Variants in CDKL3 observed in about 807,000 individuals in gnomAD.
CDKL3 encodes the protein cyclin dependent kinase like 3, also known as cyclin-dependent kinase-like 3.
A neutral mutation model predicts 69.3 loss-of-function variants in CDKL3; 65 were observed. The observed-to-expected ratio is 0.94, with a 90% CI of 0.77 to 1.15. CDKL3 has a LOEUF of 1.15. Among genes scored for constraint, CDKL3 ranks in the 50% most tolerant of loss-of-function variants. The pLI is 0.00. For synonymous variants in CDKL3, 202 were observed against 221.6 expected, an observed-to-expected ratio of 0.91 and a Z score of 0.79; for missense variants, 652 against 689.2, an observed-to-expected ratio of 0.95 and a Z score of 0.61.
downstream of CDKL3, among the ~76,000 whole-genome samples, chr5:134,294,687 A>G (rs149416160): frequency 8.6e-4 from 131 of 151,998 alleles, no homozygotes; most frequent in African/African-American, 2.8e-3. Context: ...GGAAGGAAGG[A>G]AGGGAGGGAG....
At position 134,302,369 on chromosome 5, in the gene CDKL3, G is replaced by A. The variant is rs147705481; in HGVS notation, c.1719+221C>T. ...AATACAGATAATATTTTCCCTGGGT[G>A]CCATGCATTCTAATCATTCAACATT... is the stretch of plus-strand genomic sequence containing the variant. On this transcript the variant is annotated intron_variant, in intron 12 of 12. Transcript: ENST00000265334. Among the ~76,000 whole-genome samples, 5 of 152,258 alleles carry A rather than the reference G, an allele frequency of 3.3e-5. No homozygotes were observed. In the East Asian group the frequency reaches 9.6e-4, roughly 29 times the overall value.
intron 2 of CDKL3, among the ~76,000 whole-genome samples, chr5:134,363,386 C>T (rs543288278): frequency 2.1e-4 from 32 of 151,274 alleles, no homozygotes; most frequent in Admixed American, 5.3e-4. Flanking sequence ...CTCCGCCTCC[C>T]GGGTTCAAGT....
intron 4 of CDKL3, among the ~76,000 whole-genome samples, chr5:134,323,865 C>T (rs1209232171): frequency 6.6e-6 from 1 of 152,036 alleles, no homozygotes; most frequent in East Asian, 1.9e-4. Context: ...ATAGTTAGAA[C>T]TTCACTAAAA....
chr5:134,367,364 G>C, upstream of CDKL3: 1 of 734,022 alleles, frequency 1.4e-6, no homozygotes, highest in Non-Finnish European at 1.6e-6. Flanking sequence ...GGAAGGATCT[G>C]CATCTTTTTT....
At position 134,356,772 on chromosome 5, in the gene CDKL3, A is replaced by G. The variant is rs1206893765; in HGVS notation, c.360+3125T>C. Reference sequence around the variant, plus strand: ...GCACTCCAGCCTGAGTGACAGAGTGAAACTCCATCTCAAAAATAAATAAAT... The same window carrying G: ...GCACTCCAGCCTGAGTGACAGAGTGGAACTCCATCTCAAAAATAAATAAAT... On this transcript the variant is annotated intron_variant, in intron 3 of 12. Transcript: ENST00000265334. Among the ~76,000 whole-genome samples, 3 of 152,166 alleles carry G rather than the reference A, an allele frequency of 2.0e-5. No homozygotes were observed. In the East Asian group the frequency reaches 5.8e-4, roughly 29 times the overall value.
At chr5:134,360,127 T>C (rs1263122556) in intron 2 of CDKL3, 36 bp from the exon 3 acceptor site, 3 of 1,377,782 alleles carry the variant, frequency 2.2e-6, no homozygotes, top group Admixed American at 4.8e-5. Flanking sequence ...TTTTTAATTA[T>C]TTCAAGCCTA....
chr5:134,358,823 A>G (rs1755266219), intron 3 of CDKL3, among the ~76,000 whole-genome samples: 1 of 152,060 alleles, frequency 6.6e-6, no homozygotes, highest in Admixed American at 6.6e-5. Flanking sequence ...TATGTTGCCC[A>G]GGCTGGGCTT....
In CDKL3 at chr5:134,366,362, T is replaced by C. The variant is rs1369473489; in HGVS notation, c.162A>G (p.Leu54=). 1.9e-6 allele frequency: 3 copies of C among 1,558,932 alleles called. No homozygotes were observed. Among genetic ancestry groups the C allele is most frequent in the African/African-American group, 1.4e-5 (1 of 72,660 alleles). Residue 54 remains leucine, a synonymous_variant, in exon 2 of 13, where the codon CTA becomes CTG. Transcript: ENST00000265334. Reference sequence around the variant, plus strand: ...GATTAAGGCAAAAGAAGCAAACCTTTAGAAACTTTATTTCTCTCATCGCAA... The same window carrying C: ...GATTAAGGCAAAAGAAGCAAACCTTCAGAAACTTTATTTCTCTCATCGCAA... ...NKIAMREIKF[L]KQFHHENLVN...
upstream of CDKL3, chr5:134,371,595 C>G: frequency 6.2e-7 from 1 of 1,612,734 alleles, no homozygotes; most frequent in Non-Finnish European, 8.5e-7. Context: ...AGCTGCGGAG[C>G]ATGTCGACCC....
chr5:134,364,950 G>T (rs1757051303), intron 2 of CDKL3, among the ~76,000 whole-genome samples: 1 of 151,532 alleles, frequency 6.6e-6, no homozygotes, highest in African/African-American at 2.4e-5. Flanking sequence ...GGGATTACAG[G>T]GGCGCGACAC....
intron 4 of CDKL3, among the ~76,000 whole-genome samples, chr5:134,338,679 G>A (rs1777669001): frequency 6.6e-6 from 1 of 152,086 alleles, no homozygotes; most frequent in South Asian, 2.1e-4. Flanking sequence ...CTGGGTGACA[G>A]AGTGAGACTC....
At chr5:134,313,367 C>T (rs1160708384) in intron 6 of CDKL3, among the ~76,000 whole-genome samples, 1 of 152,136 alleles carries the variant, frequency 6.6e-6, no homozygotes, top group East Asian at 1.9e-4. Flanking sequence ...CAGACACATG[C>T]CACCAAGCCT....
At chr5:134,331,563 G>T (rs531841064) in intron 4 of CDKL3, among the ~76,000 whole-genome samples, 1 of 152,092 alleles carries the variant, frequency 6.6e-6, no homozygotes, top group Non-Finnish European at 1.5e-5. Flanking sequence ...TTGGTTTTCT[G>T]TCCTTGTGAT....
intron 3 of CDKL3, among the ~76,000 whole-genome samples, chr5:134,353,460 A>C (rs762250220): frequency 1.3e-5 from 2 of 151,932 alleles, no homozygotes; most frequent in Non-Finnish European, 2.9e-5. Context: ...AAGTCTATCA[A>C]CTTGTCTCCC....
chr5:134,320,673 A>C (rs1177311964), intron 5 of CDKL3, among the ~76,000 whole-genome samples: 4 of 151,954 alleles, frequency 2.6e-5, no homozygotes, highest in Non-Finnish European at 5.9e-5. Flanking sequence ...CAGGAAATCG[A>C]GACCATCCTG....
At chr5:134,293,601 G>T (rs59423706), downstream of CDKL3, among the ~76,000 whole-genome samples, 21,263 of 151,816 alleles carry the variant, frequency 0.14, 1,804 homozygotes, top group African/African-American at 0.23. Flanking sequence ...TTCAAGACCA[G>T]CTGGGGCAAC....
At chr5:134,353,553 C>CTTTT (rs201057745) in intron 3 of CDKL3, among the ~76,000 whole-genome samples, 1 of 138,882 alleles carries the variant, frequency 7.2e-6, no homozygotes, top group African/African-American at 2.7e-5. Flanking sequence ...GATCATGTCA[C>CTTTT]TTTTTTTTTT....
intron 3 of CDKL3, among the ~76,000 whole-genome samples, chr5:134,356,389 G>A (rs1196933792): frequency 6.6e-6 from 1 of 152,188 alleles, no homozygotes; most frequent in African/African-American, 2.4e-5. Flanking sequence ...TTCCTAACAG[G>A]CCACAGAATG....
At chr5:134,292,418 T>C (rs1258147569) in intron 8 of CDKL3, among the ~76,000 whole-genome samples, 1 of 152,144 alleles carries the variant, frequency 6.6e-6, no homozygotes, top group African/African-American at 2.4e-5. Context: ...CTTTCACTGA[T>C]GATAGGATAA....
Sources: allele counts gnomAD v4.1 joint callset (sites outside exome capture counted in the v4.1 genomes callset), GRCh38; gene constraint gnomAD v4.1.1; transcripts MANE v1.5; gene names NCBI Gene and HGNC (gene_info 2026-07-23, HGNC 2026-07-21).